Variants in LRRFIP1 observed in about 807,000 individuals in gnomAD.
LRRFIP1 encodes the protein LRR binding FLII interacting protein 1.
In LRRFIP1, 62 loss-of-function variants were observed where a neutral mutation model predicts 104.4. The ratio of observed to expected loss-of-function variants is 0.59; its 90% CI spans 0.48 to 0.73. The LOEUF is 0.73. LRRFIP1 is among the 30% of genes least tolerant of loss of function. The pLI is 0.00. For missense variants in LRRFIP1, 796 were observed against 824.5 expected, an observed-to-expected ratio of 0.97 and a Z score of 0.42; for synonymous variants, 300 against 299.0, an observed-to-expected ratio of 1.00 and a Z score of -0.03.
chr2:237,658,048 A>G (rs2087143203), intron 1 of LRRFIP1, among the ~76,000 whole-genome samples: 1 of 152,206 alleles, frequency 6.6e-6, no homozygotes, highest in South Asian at 2.1e-4. Flanking sequence ...TCCTAAAACC[A>G]AGGAGAACCA....
chr2:237,772,619 T>G, intron 21 of LRRFIP1: 1 of 555,960 alleles, frequency 1.8e-6, no homozygotes, highest in Non-Finnish European at 3.2e-6. Flanking sequence ...TTTGTCTTCT[T>G]CACTCATAGG....
intron 1 of LRRFIP1, among the ~76,000 whole-genome samples, chr2:237,702,657 T>TC (rs1193766410): frequency 1.3e-5 from 2 of 152,176 alleles, no homozygotes; most frequent in Non-Finnish European, 2.9e-5. Context: ...TTTCCTTCCT[T>TC]CTTTTCTTTC....
chr2:237,780,634 G>T lies in LRRFIP1; in HGVS notation c.*1102G>T, dbSNP rs1464915572. ...GTGAAGCCAGTCAGCTTTTCGGGAC[G>T]TTAGCAAGTGGAAACTGAGTCAGTA... On this transcript the variant is annotated 3_prime_UTR_variant, in exon 24 of 24. Coordinates refer to ENST00000308482, the MANE Select transcript of LRRFIP1 (RefSeq NM_001137550.2). Among the ~76,000 whole-genome samples, 7 of 152,140 alleles carry T rather than the reference G, an allele frequency of 4.6e-5. No homozygotes were observed. Among genetic ancestry groups the T allele is most frequent in the Non-Finnish European group, 1.0e-4 (7 of 68,022 alleles).
chr2:237,715,260 G>A (rs2094283190), intron 3 of LRRFIP1, among the ~76,000 whole-genome samples: 1 of 152,154 alleles, frequency 6.6e-6, no homozygotes, highest in Admixed American at 6.5e-5. Flanking sequence ...AGAATCTCTT[G>A]TGCTTGACTA....
At chr2:237,769,852 C>T in intron 19 of LRRFIP1, 91 bp from the exon 20 acceptor site, 4 of 952,224 alleles carry the variant, frequency 4.2e-6, no homozygotes, top group Non-Finnish European at 6.7e-6. Context: ...ATTCATTTCA[C>T]TAACCTGAAC....
At position 237,766,050 on chromosome 2, in the gene LRRFIP1, C is replaced by A; in HGVS notation, c.1460-3893C>A. The A allele has an allele frequency of 2.9e-6, 1 of 339,398 alleles. No homozygotes were observed. The highest frequency in any genetic ancestry group is 4.2e-6 in the Non-Finnish European group (1 of 239,590). 21.0% of individuals were successfully genotyped at this position (339,398 alleles called of 1,614,324 possible). A position where few individuals can be genotyped will look rare whatever the true frequency, so the allele number is the denominator to read the frequency against. ...TCCGTGGAAGACCCACGCCTGATGC[C>A]CTCCCTCAGTAAGGAATGCACTTCC... On this transcript the variant is annotated intron_variant, in intron 19 of 23. Coordinates refer to ENST00000308482, the MANE Select transcript of LRRFIP1 (RefSeq NM_001137550.2). The surrounding 1 kb of genome is among the most constrained non-coding windows in gnomAD (Gnocchi z 4.8).
chr2:237,756,699 T>C (rs576287281), intron 16 of LRRFIP1, among the ~76,000 whole-genome samples: 110 of 152,348 alleles, frequency 7.2e-4, no homozygotes, highest in African/African-American at 2.5e-3. Flanking sequence ...CTCTCATTGG[T>C]GAACATTCCT....
rs184848082 is a variant in LRRFIP1 at position 237,711,172 on chromosome 2, G to A, written c.183+2542G>A. Among the ~76,000 whole-genome samples the A allele has an allele frequency of 2.0e-5, 3 of 152,352 alleles. No individual in the cohort carries two copies. The East Asian group carries it at 5.8e-4, about 29-fold the overall frequency. On this transcript the variant is annotated intron_variant, in intron 2 of 23. Transcript: ENST00000308482. The surrounding 1 kb of genome is among the most constrained non-coding windows in gnomAD (Gnocchi z 4.4). ...TATCATGAAAAAGGGGTGCAGGGCA[G>A]CCCTCACTGATGCTTCTGATGAGCA... is the stretch of plus-strand genomic sequence containing the variant.
intron 17 of LRRFIP1, 105 bp downstream of exon 17, chr2:237,757,653 TGCAAC>T: frequency 1.4e-6 from 1 of 737,264 alleles, no homozygotes; most frequent in Non-Finnish European, 2.4e-6. Context: ...TGAGTATGCA[TGCAAC>T]TCCCACGTGA....
rs1285432446 is a variant in LRRFIP1 at position 237,649,687 on chromosome 2, C to T, written c.96+21947C>T. Among the ~76,000 whole-genome samples, 2 of 151,992 alleles carry T rather than the reference C, an allele frequency of 1.3e-5. No individual in the cohort carries two copies. The highest frequency in any genetic ancestry group is 2.9e-5 in the Non-Finnish European group (2 of 67,940). On this transcript the variant is annotated intron_variant, in intron 1 of 23. Transcript: ENST00000308482. This position sits in a 1 kb window ranked among gnomAD's most constrained non-coding sequence, Gnocchi z 4.1. ...TGAGGGATGTTCACATGTCACATTT[C>T]TCACCGGAGTCCTCGTCCCATCGCC...
At chr2:237,646,867 T>TA (rs2085002230) in intron 1 of LRRFIP1, among the ~76,000 whole-genome samples, 1 of 152,000 alleles carries the variant, frequency 6.6e-6, no homozygotes, top group South Asian at 2.1e-4. Context: ...GGTGTTTTGT[T>TA]ACAGCAGCCT....
At chr2:237,760,318 A>T (rs1576349248) in intron 19 of LRRFIP1, 113 bp downstream of exon 19, 1 of 1,199,516 alleles carries the variant, frequency 8.3e-7, no homozygotes, top group South Asian at 1.5e-5. Context: ...AGTCACCAGC[A>T]TGCCATTTGT....
intron 11 of LRRFIP1, among the ~76,000 whole-genome samples, chr2:237,744,427 ATTCT>A (rs1368421160): frequency 1.2e-4 from 19 of 152,126 alleles, no homozygotes; most frequent in Admixed American, 4.6e-4. Flanking sequence ...GGTGCCACAT[ATTCT>A]TTCTTTAGGA....
At chr2:237,748,268 T>G in intron 11 of LRRFIP1, 96 bp from the exon 12 acceptor site, 3 of 922,616 alleles carry the variant, frequency 3.3e-6, no homozygotes, top group African/African-American at 1.7e-5. Context: ...GAAGCAAATG[T>G]TTTGTTTTGT....
At position 237,772,212 on chromosome 2, in the gene LRRFIP1, C is replaced by A; in HGVS notation, c.1627+14C>A. ...TGGACCTACAAAGTAAATGTCAATT[C>A]TTGTGTAGAAGTAAATGCTTTCACA... On this transcript the variant is annotated intron_variant, in intron 21 of 23. Coordinates refer to ENST00000308482, the MANE Select transcript of LRRFIP1 (RefSeq NM_001137550.2). The A allele has an allele frequency of 6.3e-7, 1 of 1,585,876 alleles. No homozygotes were observed. The highest frequency in any genetic ancestry group is 8.7e-7 in the Non-Finnish European group (1 of 1,154,364).
In LRRFIP1 at chr2:237,640,308, A is replaced by G. The variant is rs1216939253; in HGVS notation, c.96+12568A>G. Among the ~76,000 whole-genome samples, 3 of 151,828 alleles carry G rather than the reference A, an allele frequency of 2.0e-5. No individual in the cohort carries two copies. In the East Asian group the frequency reaches 5.8e-4, roughly 29 times the overall value. On this transcript the variant is annotated intron_variant, in intron 1 of 23. Coordinates refer to ENST00000308482, the MANE Select transcript of LRRFIP1 (RefSeq NM_001137550.2). ...GCTTGAGCTGACAGTGGGGCTGGGG[A>G]CCGTCTATAACAAGATACCACAGAC...
intron 1 of LRRFIP1, among the ~76,000 whole-genome samples, chr2:237,647,666 TG>T (rs2085165841): frequency 7.4e-6 from 1 of 134,376 alleles, no homozygotes; most frequent in Non-Finnish European, 1.7e-5. Context: ...GCACGCAGGG[TG>T]GAGGGAGCAG....
chr2:237,773,645 G>A (rs976535512), intron 22 of LRRFIP1, among the ~76,000 whole-genome samples: 3 of 152,142 alleles, frequency 2.0e-5, no homozygotes, highest in Non-Finnish European at 2.9e-5. Context: ...AGCGAGGCCC[G>A]CCCTCCCTGG....
At position 237,758,743 on chromosome 2, in the gene LRRFIP1, G is replaced by A. The variant is rs779671285; in HGVS notation, c.1239G>A (p.Gln413=). 12 of 1,612,510 alleles carry A rather than the reference G, an allele frequency of 7.4e-6. No individual in the cohort carries two copies. In the Admixed American group the frequency reaches 1.0e-4, roughly 13 times the overall value. The change falls in exon 18 of 24, where the codon CAG becomes CAA. Residue 413 remains glutamine, a synonymous_variant. Transcript: ENST00000308482. ...KDKKIGALER[Q]KEFFDSVRSE... is the part of the protein sequence containing the mutation. The stretch of plus-strand genomic sequence containing the variant: ...TGCACACTCAGGCATTAGAGAGGCA[G>A]AAAGAGTTCTTTGATTCCGTAAGGA...
Sources: allele counts gnomAD v4.1 joint callset (sites outside exome capture counted in the v4.1 genomes callset), GRCh38; gene constraint gnomAD v4.1.1; non-coding constraint Gnocchi (gnomAD v3.1); transcripts MANE v1.5; gene names NCBI Gene and HGNC (gene_info 2026-07-23, HGNC 2026-07-21).